The following MIB2 variants were observed in gnomAD, a reference collection of about 807,000 sequenced individuals.
The protein encoded by MIB2 is E3 ubiquitin-protein ligase MIB2.
A neutral mutation model predicts 96.6 loss-of-function variants in MIB2; 78 were observed. The ratio of observed to expected loss-of-function variants is 0.81; its 90% CI spans 0.67 to 0.97. The LOEUF is 0.97. Ranked by LOEUF, MIB2 falls within the 50% of genes least tolerant of loss-of-function variation. The pLI is 0.00. For missense variants in MIB2, 1,543 were observed against 1,424.0 expected (o/e 1.08, Z -1.35); for synonymous variants, 820 against 629.5 (o/e 1.30, Z -4.53).
At position 1,626,000 on chromosome 1, in the gene MIB2, T is replaced by G. The variant is rs1569803971; in HGVS notation, c.972+347T>G. ...AGTGCTGTATGGGGGCCGATGGGGG[T>G]GGCTGGTTAGGACAGGGAGGTGGAT... On this transcript the variant is annotated intron_variant, in intron 8 of 19. Coordinates refer to ENST00000355826, the MANE Select transcript of MIB2 (RefSeq NM_001170687.4). This position sits in a 1 kb window ranked among gnomAD's most constrained non-coding sequence, Gnocchi z 5.0. 6 of 224,876 alleles carry G rather than the reference T, an allele frequency of 2.7e-5. No homozygotes were observed. The highest frequency in any genetic ancestry group is 3.3e-5 in the Non-Finnish European group (4 of 121,374). 13.9% of individuals were successfully genotyped at this position (224,876 alleles called of 1,614,324 possible). A position where few individuals can be genotyped will look rare whatever the true frequency, so the allele number is the denominator to read the frequency against.
At chr1:1,615,374 C>T, upstream of MIB2, 5 of 1,422,666 alleles carry the variant, frequency 3.5e-6, no homozygotes, top group Non-Finnish European at 3.6e-6. Context: ...AACCTAGCTG[C>T]GCCACGCAGG....
Position 1,630,315 on chromosome 1 carries a change from G to C in MIB2, c.2653G>C (p.Ala885Pro), listed in dbSNP as rs547983901. 6.6e-7 allele frequency: 1 copy of C among 1,507,742 alleles called. No homozygotes were observed. The highest frequency in any genetic ancestry group is 2.6e-5 in the East Asian group (1 of 38,416). 93.4% of individuals were successfully genotyped at this position (1,507,742 alleles called of 1,614,324 possible). ...RPDGSEVASA[A>P]PAPGPPRQLV... ...AGACGGCTCTGAGGTGGCGAGCGCC[G>C]CCCCCGCCCCCGGCCCGCCGCGCCA... is the stretch of plus-strand genomic sequence containing the variant. Residue 885 changes from alanine (A) to proline (P), a missense_variant, in exon 20 of 20, where the codon GCC (alanine) becomes CCC (proline). By Grantham distance (27) the Ala-to-Pro change is conservative. Transcript: ENST00000355826.
chr1:1,615,289 GCC>G, upstream of MIB2: 3 of 1,329,656 alleles, frequency 2.3e-6, no homozygotes, highest in Non-Finnish European at 2.9e-6. Context: ...TCGCTCCCAA[GCC>G]CCCGTCTCTA....
At chr1:1,621,175 G>T (rs983054342) in intron 2 of MIB2, among the ~76,000 whole-genome samples, 2 of 152,272 alleles carry the variant, frequency 1.3e-5, no homozygotes, top group African/African-American at 4.8e-5. Context: ...CCTGGGGGCT[G>T]CCCTCAGAGG....
Position 1,627,374 on chromosome 1 carries a change from C to T in MIB2, c.1453C>T (p.Leu485=), listed in dbSNP as rs1418379701. 1.2e-6 allele frequency: 2 copies of T among 1,612,922 alleles called. No individual in the cohort carries two copies. Among genetic ancestry groups the T allele is most frequent in the East Asian group, 2.2e-5 (1 of 44,882 alleles). Residue 485 remains leucine, a synonymous_variant, in exon 12 of 20, where the codon CTA becomes TTA. Transcript: ENST00000355826. ...CCAGGTGGAGTTGATACGGCTGCTG[C>T]TACAAGCCAGGGCGGGCGTGGACCT... ...LGQVELIRLL[L]QARAGVDLPD... is the part of the protein sequence containing the mutation.
chr1:1,625,637 C>G lies in MIB2; in HGVS notation c.956C>G (p.Pro319Arg), dbSNP rs867563722. The change falls in exon 8 of 20, where the codon CCC (proline) becomes CGC (arginine). Residue 319 changes from proline to arginine, a missense_variant. Pro to Arg is a moderately radical substitution (Grantham distance 103, BLOSUM62 -2). Transcript: ENST00000355826. The surrounding 1 kb of genome is among the most constrained non-coding windows in gnomAD (Gnocchi z 5.0). ...CACGAGACGCGCTGGACCTTCCACC[C>G]CGGGGCGCTCACCAAGGTGCCGGGG... Reference protein sequence around the residue: ...FNHETRWTFHPGALTKHHSFW... With the variant: ...FNHETRWTFHRGALTKHHSFW... 2 of 1,562,160 alleles carry G rather than the reference C, an allele frequency of 1.3e-6. No homozygotes were observed. Among genetic ancestry groups the G allele is most frequent in the Non-Finnish European group, 1.7e-6 (2 of 1,153,444 alleles).
rs1557610148 is a variant in MIB2 at position 1,627,893 on chromosome 1, C to T, written c.1680+64C>T. On this transcript the variant is annotated intron_variant, in intron 13 of 19. Transcript: ENST00000355826. ...GAGTGCTTGTCCCTGGCCTGGGTTC[C>T]CTCTGCCCATGTGTGCTGCTCCCTG... 35 of 1,594,456 alleles carry T rather than the reference C, an allele frequency of 2.2e-5. No homozygotes were observed. The South Asian group carries it at 2.5e-4, about 11-fold the overall frequency.
chr1:1,616,341 G>T, intron 1 of MIB2, 167 bp from the exon 2 acceptor site: 1 of 529,192 alleles, frequency 1.9e-6, no homozygotes, highest in South Asian at 3.8e-5. Flanking sequence ...GGCGGCTCCT[G>T]CGCGCTCAGA....
chr1:1,615,896 G>T (rs1298465942), intron 1 of MIB2: 2 of 1,035,758 alleles, frequency 1.9e-6, no homozygotes, highest in Non-Finnish European at 2.3e-6. Context: ...CAGCGGCGCT[G>T]GGGTCGGCGC....
intron 2 of MIB2, among the ~76,000 whole-genome samples, chr1:1,620,313 C>T (rs1269144737): frequency 2.6e-5 from 4 of 152,150 alleles, no homozygotes; most frequent in East Asian, 1.9e-4. Flanking sequence ...GGCTTTTTTG[C>T]GGTCCCAAGT....
rs199741261 is a variant in MIB2 at position 1,615,612 on chromosome 1, C to A, written c.-151C>A. ...TCGCTCCTAGGTCACTGGCGCGATG[C>A]GGGCCGTCCTCTCGGCTGATGGTGC... On this transcript the variant is annotated 5_prime_UTR_variant, in exon 1 of 20. Coordinates refer to ENST00000355826, the MANE Select transcript of MIB2 (RefSeq NM_001170687.4). The A allele has an allele frequency of 1.2e-3, 1,854 of 1,569,886 alleles. 13 individuals are homozygous for A. Among genetic ancestry groups the A allele is most frequent in the Middle Eastern group, 8.6e-3 (48 of 5,586 alleles).
At chr1:1,620,553 G>A (rs1644165818) in intron 2 of MIB2, among the ~76,000 whole-genome samples, 1 of 149,552 alleles carries the variant, frequency 6.7e-6, no homozygotes, top group South Asian at 2.1e-4. Context: ...TGGACGGCCT[G>A]GCAGGGGGTG....
rs778126615 is a variant in MIB2, at chr1:1,626,710, C to T, written c.1033C>T (p.Arg345Trp). 2.2e-5 allele frequency: 35 copies of T among 1,601,042 alleles called. No homozygotes were observed. The highest frequency in any genetic ancestry group is 4.5e-5 in the East Asian group (2 of 44,686). Residue 345 changes from arginine (R) to tryptophan (W), a missense_variant, in exon 9 of 20, where the codon CGG becomes TGG. Coordinates refer to ENST00000355826, the MANE Select transcript of MIB2 (RefSeq NM_001170687.4). The surrounding 1 kb of genome is among the most constrained non-coding windows in gnomAD (Gnocchi z 5.3). ...CATCGGCGACCTTGACACAGTGAAG[C>T]GGCTGCAGGCTGGGCATGGCGAGTG... is the stretch of plus-strand genomic sequence containing the variant. The part of the protein sequence containing the change: ...RVIGDLDTVK[R>W]LQAGHGEWTD...
rs1645051019 is a variant in MIB2, at chr1:1,628,650, G to A, written c.2130G>A (p.Gln710=). 6.3e-7 allele frequency: 1 copy of A among 1,591,752 alleles called. No individual in the cohort carries two copies. The highest frequency in any genetic ancestry group is 1.3e-5 in the African/African-American group (1 of 74,620). ...ACACAGCCCTGCACGTGGCGCTGCA[G>A]CGTCATCAGCTGCTGCCCCTGGTGG... ...EGDTALHVAL[Q]RHQLLPLVAD... Residue 710 remains glutamine, a synonymous_variant, in exon 16 of 20, where the codon CAG becomes CAA. Coordinates refer to ENST00000355826, the MANE Select transcript of MIB2 (RefSeq NM_001170687.4).
intron 2 of MIB2, 48 bp from the exon 3 acceptor site, chr1:1,623,383 C>A: frequency 6.3e-7 from 1 of 1,594,160 alleles, no homozygotes; most frequent in Non-Finnish European, 8.5e-7. Context: ...TACCCTCTGC[C>A]CACAGGTCCC....
chr1:1,616,581 A>G lies in MIB2; in HGVS notation c.-56A>G. 1 of 1,602,862 alleles carries G rather than the reference A, an allele frequency of 6.2e-7. No individual in the cohort carries two copies. The highest frequency in any genetic ancestry group is 8.5e-7 in the Non-Finnish European group (1 of 1,175,038). On this transcript the variant is annotated 5_prime_UTR_variant, in exon 2 of 20. Transcript: ENST00000355826. The stretch of plus-strand genomic sequence containing the variant: ...TCAGGGCTGCAGCCCAGGAGCCTCA[A>G]GGCGGCCCGGCGGGCGACTGGACGG...
At chr1:1,620,590 C>A (rs1229489870) in intron 2 of MIB2, among the ~76,000 whole-genome samples, 3 of 152,214 alleles carry the variant, frequency 2.0e-5, no homozygotes, top group Non-Finnish European at 4.4e-5. Flanking sequence ...GGAGCAGTGC[C>A]CCTCTCACTT....
chr1:1,620,112 C>T (rs1180011646), intron 2 of MIB2, among the ~76,000 whole-genome samples: 3 of 152,242 alleles, frequency 2.0e-5, no homozygotes, highest in Non-Finnish European at 2.9e-5. Flanking sequence ...TTTGCCAAAG[C>T]ACAGGACACA....
In MIB2 at chr1:1,626,912, T is replaced by C; in HGVS notation, c.1153T>C (p.Trp385Arg). 6.2e-7 allele frequency: 1 copy of C among 1,608,898 alleles called. No individual in the cohort carries two copies. Among genetic ancestry groups the C allele is most frequent in the South Asian group, 1.1e-5 (1 of 90,936 alleles). Residue 385 changes from tryptophan to arginine, a missense_variant, in exon 10 of 20, where the codon TGG (tryptophan) becomes CGG (arginine). Physicochemically the swap from Trp to Arg is moderately radical, Grantham distance 101. Transcript: ENST00000355826. The surrounding 1 kb of genome is among the most constrained non-coding windows in gnomAD (Gnocchi z 5.3). ...GCGTGTAGCAGTCGCTGGTCAGCGG[T>C]GGACCTTCAGCCCCTCCTGCCTGGT... ...NLRVAVAGQR[W>R]TFSPSCLVAY...
Sources: allele counts gnomAD v4.1 joint callset (sites outside exome capture counted in the v4.1 genomes callset), GRCh38; gene constraint gnomAD v4.1.1; non-coding constraint Gnocchi (gnomAD v3.1); transcripts MANE v1.5; gene names NCBI Gene and HGNC (gene_info 2026-07-23, HGNC 2026-07-21).